Variants in ALK observed in about 807,000 individuals in gnomAD.
ALK encodes ALK receptor tyrosine kinase, also known as ALK tyrosine kinase receptor.
ALK carries 74 observed loss-of-function variants against 163.1 expected under a neutral mutation model. The ratio of observed to expected loss-of-function variants is 0.45; its 90% CI spans 0.38 to 0.55. The LOEUF is 0.55. ALK is among the 20% of genes least tolerant of loss of function. The pLI is 0.00. For missense variants in ALK, 2,063 were observed against 2,105.3 expected (o/e 0.98, Z 0.39); for synonymous variants, 960 against 843.2 (o/e 1.14, Z -2.40).
intron 5 of ALK, among the ~76,000 whole-genome samples, chr2:29,358,332 T>C (rs1342108487): frequency 6.6e-6 from 1 of 152,238 alleles, no homozygotes; most frequent in African/African-American, 2.4e-5. Context: ...GATCAAATTG[T>C]GTAATTTTTA....
In ALK at chr2:29,671,654, G is replaced by T. The variant is rs370751223; in HGVS notation, c.952+23196C>A. Among the ~76,000 whole-genome samples, 1,257 of 151,964 alleles carry T rather than the reference G, an allele frequency of 8.3e-3. 15 individuals carry two copies. The highest frequency in any genetic ancestry group is 0.044 in the South Asian group (210 of 4,794). On this transcript the variant is annotated intron_variant, in intron 3 of 28. Coordinates refer to ENST00000389048, the MANE Select transcript of ALK (RefSeq NM_004304.5). Reference sequence around the variant, plus strand: ...GTTGCCAGGAAAATTGTGGGGTAGGGGTGTCACAGATGTGAAAGTCTGATT... The same window carrying T: ...GTTGCCAGGAAAATTGTGGGGTAGGTGTGTCACAGATGTGAAAGTCTGATT...
intron 1 of ALK, among the ~76,000 whole-genome samples, chr2:29,803,623 A>G (rs994329209): frequency 6.6e-6 from 1 of 152,198 alleles, no homozygotes; most frequent in Non-Finnish European, 1.5e-5. Flanking sequence ...AATCCATCAC[A>G]TGGCAATTGT....
chr2:29,720,138 T>A (rs989344832), intron 1 of ALK, among the ~76,000 whole-genome samples: 1 of 152,036 alleles, frequency 6.6e-6, no homozygotes, highest in South Asian at 2.1e-4. Context: ...GGAGCACTTA[T>A]GAATCTGTGA....
chr2:29,484,216 T>C (rs1671728947), intron 4 of ALK, among the ~76,000 whole-genome samples: 1 of 152,152 alleles, frequency 6.6e-6, no homozygotes, highest in African/African-American at 2.4e-5. Flanking sequence ...ATTATATAAG[T>C]AGGTAATTAG....
chr2:29,901,450 T>A (rs955612864), intron 1 of ALK, among the ~76,000 whole-genome samples: 4 of 152,198 alleles, frequency 2.6e-5, no homozygotes, highest in Non-Finnish European at 4.4e-5. Flanking sequence ...AAATTCAGCT[T>A]CTGAGTGTTG....
chr2:29,249,096 A>C (rs1164282114), intron 12 of ALK, among the ~76,000 whole-genome samples: 1 of 152,120 alleles, frequency 6.6e-6, no homozygotes, highest in Non-Finnish European at 1.5e-5. Flanking sequence ...CAGAGTCTCA[A>C]GAGATTAGCT....
At chr2:29,528,727 T>C (rs1673029478) in intron 4 of ALK, among the ~76,000 whole-genome samples, 1 of 152,204 alleles carries the variant, frequency 6.6e-6, no homozygotes, top group Non-Finnish European at 1.5e-5. Flanking sequence ...ATTTTCCATA[T>C]GCCATTTCAC....
At chr2:29,223,623 A>C (rs896569717) in intron 19 of ALK, 95 bp from the exon 20 acceptor site, 1 of 1,196,698 alleles carries the variant, frequency 8.4e-7, no homozygotes, top group Non-Finnish European at 1.2e-6. Flanking sequence ...CTGGATCTCC[A>C]TATCCTCCCC....
intron 1 of ALK, among the ~76,000 whole-genome samples, chr2:29,843,848 C>T (rs1266628691): frequency 1.3e-5 from 2 of 152,200 alleles, no homozygotes; most frequent in Non-Finnish European, 2.9e-5. Context: ...GAAGTTACTA[C>T]TGAGCACTTA....
chr2:29,546,026 G>A (rs540640642), intron 3 of ALK, among the ~76,000 whole-genome samples: 1 of 152,260 alleles, frequency 6.6e-6, no homozygotes, highest in Non-Finnish European at 1.5e-5. Context: ...AGTAAAATAC[G>A]CGTATGTGTG....
intron 9 of ALK, among the ~76,000 whole-genome samples, chr2:29,292,704 G>A (rs1666067554): frequency 6.6e-6 from 1 of 152,158 alleles, no homozygotes; most frequent in African/African-American, 2.4e-5. Flanking sequence ...CTTAGGCATT[G>A]CTCTTAGAGA....
chr2:29,306,177 C>T (rs558335661), intron 8 of ALK, among the ~76,000 whole-genome samples: 34 of 152,272 alleles, frequency 2.2e-4, no homozygotes, highest in African/African-American at 7.9e-4. Context: ...CTGAACTAGG[C>T]GCTTGCACGT....
intron 4 of ALK, among the ~76,000 whole-genome samples, chr2:29,526,005 G>T (rs1013994370): frequency 2.0e-5 from 3 of 152,104 alleles, no homozygotes; most frequent in African/African-American, 7.2e-5. Context: ...CAATGGGACT[G>T]GTACTTTGGG....
At chr2:29,233,326 G>A (rs1664271057) in intron 14 of ALK, among the ~76,000 whole-genome samples, 1 of 151,830 alleles carries the variant, frequency 6.6e-6, no homozygotes, top group South Asian at 2.1e-4. Context: ...AATTTTTTTT[G>A]GTAGAGACAA....
At chr2:29,209,378 T>TAAA (rs964710080) in intron 25 of ALK, among the ~76,000 whole-genome samples, 3 of 151,774 alleles carry the variant, frequency 2.0e-5, no homozygotes, top group Admixed American at 6.6e-5. Flanking sequence ...TCGTCTCTAC[T>TAAA]AAAAATACAA....
intron 1 of ALK, among the ~76,000 whole-genome samples, chr2:29,890,132 C>T (rs551461717): frequency 6.6e-6 from 1 of 152,278 alleles, no homozygotes; most frequent in Non-Finnish European, 1.5e-5. Flanking sequence ...TGACTCTATG[C>T]CCTCTGCCCC....
At chr2:29,590,608 C>A (rs1302978741) in intron 3 of ALK, among the ~76,000 whole-genome samples, 1 of 152,190 alleles carries the variant, frequency 6.6e-6, no homozygotes, top group African/African-American at 2.4e-5. Flanking sequence ...CTTGGCCTGT[C>A]TTCAGCAAGA....
intron 3 of ALK, among the ~76,000 whole-genome samples, chr2:29,542,344 C>A (rs980809729): frequency 4.6e-5 from 7 of 152,164 alleles, no homozygotes. Flanking sequence ...GTCTTGAAGA[C>A]ACTGATTTCC....
intron 26 of ALK, among the ~76,000 whole-genome samples, chr2:29,204,270 T>C (rs981072236): frequency 6.6e-6 from 1 of 152,244 alleles, no homozygotes. Flanking sequence ...CATACTTCAT[T>C]CAGATTTCCT....
Sources: gnomAD v4.1 joint callset for allele counts (sites outside exome capture counted in the v4.1 genomes callset) on GRCh38, gnomAD v4.1.1 for gene constraint, MANE v1.5 for transcripts, NCBI Gene and HGNC (gene_info 2026-07-23, HGNC 2026-07-21) for gene names.